Variants in RNFT2 observed in about 807,000 individuals in gnomAD.
RNFT2 encodes ring finger protein, transmembrane 2.
Under a neutral mutation model 53.0 loss-of-function variants are expected in RNFT2, and 36 were observed. The observed-to-expected ratio is 0.68, with a 90% CI of 0.52 to 0.90. The LOEUF is 0.90. Ranked by LOEUF, RNFT2 falls within the 40% of genes least tolerant of loss-of-function variation. RNFT2 has a pLI of 0.00. For synonymous variants in RNFT2, 260 were observed against 253.2 expected (o/e 1.03, Z -0.26); for missense variants, 514 against 585.6 (o/e 0.88, Z 1.26).
intron 6 of RNFT2, among the ~76,000 whole-genome samples, chr12:116,775,348 C>T (rs542926642): frequency 2.0e-5 from 3 of 150,156 alleles, no homozygotes; most frequent in African/African-American, 7.4e-5. Context: ...CCAGTCTAGA[C>T]GGTGCTTGTA....
intron 7 of RNFT2, among the ~76,000 whole-genome samples, chr12:116,829,111 A>G (rs1876500049): frequency 6.6e-6 from 1 of 151,884 alleles, no homozygotes; most frequent in Non-Finnish European, 1.5e-5. Context: ...GGTGAGAGCA[A>G]TTTGGGAGAC....
chr12:116,781,696 AT>A (rs1873707331), intron 7 of RNFT2, among the ~76,000 whole-genome samples: 1 of 152,038 alleles, frequency 6.6e-6, no homozygotes, highest in African/African-American at 2.4e-5. Context: ...CCCCACCCGA[AT>A]AATCTAGGCT....
chr12:116,786,855 G>T, intron 7 of RNFT2, among the ~76,000 whole-genome samples: 2 of 152,216 alleles, frequency 1.3e-5, no homozygotes. Context: ...TTGCCTCTTC[G>T]GGCTTCTGGT....
chr12:116,838,012 CAT>C (rs1207541092), intron 10 of RNFT2, among the ~76,000 whole-genome samples: 1 of 150,042 alleles, frequency 6.7e-6, no homozygotes, highest in Non-Finnish European at 1.5e-5. Context: ...CACACACAAA[CAT>C]ATTTTTTTAA....
intron 3 of RNFT2, among the ~76,000 whole-genome samples, chr12:116,744,444 C>T (rs904614265): frequency 2.0e-5 from 3 of 152,128 alleles, no homozygotes; most frequent in African/African-American, 7.2e-5. Context: ...TGCCAACCGC[C>T]ACATTAGCCC....
At chr12:116,803,126 G>A (rs1874884115) in intron 7 of RNFT2, among the ~76,000 whole-genome samples, 2 of 152,010 alleles carry the variant, frequency 1.3e-5, no homozygotes, top group South Asian at 4.2e-4. Context: ...ATACACAGGT[G>A]TTTATGCCAC....
intron 10 of RNFT2, among the ~76,000 whole-genome samples, chr12:116,841,874 TATATATAA>T (rs1169993249): frequency 1.3e-3 from 31 of 24,482 alleles, no homozygotes; most frequent in African/African-American, 2.8e-3. Context: ...TATATAAATA[TATATATAA>T]ATATATATAA....
intron 7 of RNFT2, among the ~76,000 whole-genome samples, chr12:116,819,440 C>T (rs1875875194): frequency 6.6e-6 from 1 of 152,080 alleles, no homozygotes; most frequent in Admixed American, 6.5e-5. Flanking sequence ...CCGGCGCCGT[C>T]CCGCGGGGCC....
At chr12:116,767,725 A>G (rs1872980945) in intron 6 of RNFT2, among the ~76,000 whole-genome samples, 1 of 152,006 alleles carries the variant, frequency 6.6e-6, no homozygotes, top group Non-Finnish European at 1.5e-5. Flanking sequence ...GATTACAGAC[A>G]TGCGCCACCA....
At chr12:116,835,191 G>A (rs1329863411) in intron 8 of RNFT2, among the ~76,000 whole-genome samples, 1 of 152,040 alleles carries the variant, frequency 6.6e-6, no homozygotes, top group Non-Finnish European at 1.5e-5. Flanking sequence ...TGAGGTTCAG[G>A]GAGGTTAGAA....
intron 7 of RNFT2, among the ~76,000 whole-genome samples, chr12:116,823,292 C>A (rs1297416308): frequency 6.6e-6 from 1 of 152,240 alleles, no homozygotes; most frequent in Non-Finnish European, 1.5e-5. Context: ...AGAGGGAGAG[C>A]AGCTTGCCCA....
intron 7 of RNFT2, among the ~76,000 whole-genome samples, chr12:116,780,742 G>A (rs1873658342): frequency 6.6e-6 from 1 of 151,844 alleles, no homozygotes; most frequent in African/African-American, 2.4e-5. Context: ...GTCCTAAGAT[G>A]CCTCCCATTG....
At chr12:116,817,009 TTTTTG>T (rs1304543235) in intron 7 of RNFT2, among the ~76,000 whole-genome samples, 4 of 152,094 alleles carry the variant, frequency 2.6e-5, no homozygotes, top group South Asian at 4.1e-4. Context: ...AGTTTCCTTG[TTTTTG>T]TTTTGTTTTG....
rs1389943645 is a variant in RNFT2, at chr12:116,845,469, T to C, written c.1201-3845T>C. The stretch of plus-strand genomic sequence containing the variant: ...GCAACATCATAAAACAGGGGAGACA[T>C]GATTGCTTGGCTGAGTCTTCCAAAA... On this transcript the variant is annotated intron_variant, in intron 10 of 10. Coordinates refer to ENST00000257575, the MANE Select transcript of RNFT2 (RefSeq NM_001382266.1). Among the ~76,000 whole-genome samples, 3 of 151,830 alleles carry C rather than the reference T, an allele frequency of 2.0e-5. No homozygotes were observed. In the East Asian group the frequency reaches 5.8e-4, roughly 29 times the overall value.
Position 116,850,615 on chromosome 12 carries a change from C to CTTTTTTCTTTTTTTTTTTTTTTTTTTTT in RNFT2, c.*1171_*1172insTTCTTTTTTTTTTTTTTTTTTTTTTTTT, listed in dbSNP as rs56995727. ...AGCCCTGTGAAGTATTTTTTCTTTT[C>CTTTTTTCTTTTTTTTTTTTTTTTTTTTT]TTTTCTTTTTTTTTTTTTTTTTGTT... On this transcript the variant is annotated 3_prime_UTR_variant, in exon 11 of 11. Transcript: ENST00000257575. 1 of 141,210 alleles carries CTTTTTTCTTTTTTTTTTTTTTTTTTTTT rather than the reference C, an allele frequency of 7.1e-6. No homozygotes were observed. Among genetic ancestry groups the CTTTTTTCTTTTTTTTTTTTTTTTTTTTT allele is most frequent in the African/African-American group, 2.6e-5 (1 of 38,054 alleles). 8.7% of individuals were successfully genotyped at this position (141,210 alleles called of 1,614,324 possible).
chr12:116,817,854 G>T (rs1875768066), intron 7 of RNFT2, among the ~76,000 whole-genome samples: 1 of 152,216 alleles, frequency 6.6e-6, no homozygotes, highest in Non-Finnish European at 1.5e-5. Flanking sequence ...GACAGGCACT[G>T]CGAAGGTGTT....
At chr12:116,848,605 T>C (rs1265832985) in intron 10 of RNFT2, among the ~76,000 whole-genome samples, 1 of 152,146 alleles carries the variant, frequency 6.6e-6, no homozygotes, top group Non-Finnish European at 1.5e-5. Flanking sequence ...CTCTCCTTCC[T>C]GTTCCTCCCG....
chr12:116,797,703 T>C (rs1395243980), intron 7 of RNFT2, among the ~76,000 whole-genome samples: 1 of 152,036 alleles, frequency 6.6e-6, no homozygotes, highest in Admixed American at 6.6e-5. Context: ...GAAGAGGCGT[T>C]ACAGCTCAGG....
intron 10 of RNFT2, among the ~76,000 whole-genome samples, chr12:116,843,327 T>C (rs1443788062): frequency 6.6e-6 from 1 of 151,200 alleles, no homozygotes; most frequent in Non-Finnish European, 1.5e-5. Flanking sequence ...ACCCCAACTC[T>C]ACAAAAAATA....
Sources: gnomAD v4.1 joint callset for allele counts (sites outside exome capture counted in the v4.1 genomes callset) on GRCh38, gnomAD v4.1.1 for gene constraint, MANE v1.5 for transcripts, NCBI Gene and HGNC (gene_info 2026-07-23, HGNC 2026-07-21) for gene names.